The following SORCS3 variants were observed in gnomAD, a reference collection of about 807,000 sequenced individuals.
The protein encoded by SORCS3 is sortilin related VPS10 domain containing receptor 3, also known as VPS10 domain-containing receptor SorCS3.
SORCS3 carries 57 observed loss-of-function variants against 146.3 expected under a neutral mutation model. That is an observed-to-expected ratio of 0.39 (90% CI 0.31 to 0.49). SORCS3 has a LOEUF of 0.49. Among genes scored for constraint, SORCS3 ranks in the 20% least tolerant of loss-of-function variants. SORCS3 has a pLI of 0.92. For missense variants in SORCS3, 1,341 were observed against 1,575.5 expected (o/e 0.85, Z 2.52); for synonymous variants, 653 against 618.5 (o/e 1.06, Z -0.83).
chr10:104,703,711 GTTTT>G (rs11338927), intron 1 of SORCS3, among the ~76,000 whole-genome samples: 64 of 135,412 alleles, frequency 4.7e-4, no homozygotes, highest in African/African-American at 1.4e-3. Context: ...CATGTATCCT[GTTTT>G]TTTTTTTTTT....
chr10:105,035,387 C>T (rs2055298894), intron 4 of SORCS3, among the ~76,000 whole-genome samples: 1 of 151,894 alleles, frequency 6.6e-6, no homozygotes, highest in African/African-American at 2.4e-5. Flanking sequence ...CTTTGGGAAG[C>T]TGTGATCCTT....
chr10:105,109,936 G>A (rs78488485), intron 7 of SORCS3, among the ~76,000 whole-genome samples: 1,680 of 150,920 alleles, frequency 0.011, 30 homozygotes, highest in African/African-American at 0.039. Context: ...TTAATTTCTC[G>A]GGAGTTTCTG....
At chr10:104,974,167 A>AT (rs1193974719) in intron 3 of SORCS3, among the ~76,000 whole-genome samples, 3 of 152,076 alleles carry the variant, frequency 2.0e-5, no homozygotes, top group Non-Finnish European at 4.4e-5. Flanking sequence ...AAGAATGTAT[A>AT]TTTTTTGATT....
intron 2 of SORCS3, among the ~76,000 whole-genome samples, chr10:104,909,656 C>T (rs758990657): frequency 2.0e-5 from 3 of 152,106 alleles, no homozygotes; most frequent in Non-Finnish European, 4.4e-5. Context: ...AGATTGAGAA[C>T]ATCAGATGGC....
chr10:104,718,930 T>C (rs2016511253), intron 1 of SORCS3, among the ~76,000 whole-genome samples: 1 of 152,204 alleles, frequency 6.6e-6, no homozygotes, highest in Non-Finnish European at 1.5e-5. Context: ...GACAGTGCTG[T>C]CCAATTGAAA....
chr10:104,934,044 G>A (rs1333476130), intron 3 of SORCS3, among the ~76,000 whole-genome samples: 17 of 152,012 alleles, frequency 1.1e-4, no homozygotes, highest in African/African-American at 3.9e-4. Context: ...TGCCTGCCTC[G>A]GCCTCCCAAA....
rs113550335 is a variant in SORCS3, at chr10:105,254,419, T to A, written c.3238-1283T>A. Among the ~76,000 whole-genome samples the A allele has an allele frequency of 1.4e-3, 208 of 152,320 alleles. 1 individual carries two copies. The highest frequency in any genetic ancestry group is 4.8e-3 in the Admixed American group (73 of 15,292). On this transcript the variant is annotated intron_variant, in intron 23 of 26. Transcript: ENST00000369701. The stretch of plus-strand genomic sequence containing the variant: ...CATCTATGTCTATTATAGCTCTAAT[T>A]CACCAGTGACTGTAGGCATGCCTCT...
chr10:105,212,795 G>A (rs748948716), intron 17 of SORCS3, among the ~76,000 whole-genome samples: 22 of 152,106 alleles, frequency 1.4e-4, no homozygotes, highest in Non-Finnish European at 1.0e-4. Context: ...TTAGGACATG[G>A]TACCCACTGA....
At chr10:104,733,649 G>A (rs2133454495) in intron 1 of SORCS3, among the ~76,000 whole-genome samples, 1 of 151,636 alleles carries the variant, frequency 6.6e-6, no homozygotes, top group East Asian at 1.9e-4. Flanking sequence ...TGCCTTCAAA[G>A]TGATCCCTAT....
chr10:105,046,808 C>T (rs956792543), intron 5 of SORCS3, among the ~76,000 whole-genome samples: 3 of 152,068 alleles, frequency 2.0e-5, no homozygotes, highest in African/African-American at 4.8e-5. Context: ...CTGACATGAA[C>T]ATTCCTTGTT....
intron 3 of SORCS3, among the ~76,000 whole-genome samples, chr10:104,948,596 C>T (rs1298380498): frequency 6.6e-6 from 1 of 152,212 alleles, no homozygotes; most frequent in Non-Finnish European, 1.5e-5. Flanking sequence ...ATGGCATTAA[C>T]TTTCCGGTTC....
At chr10:104,746,257 C>T (rs903024548) in intron 1 of SORCS3, among the ~76,000 whole-genome samples, 9 of 151,784 alleles carry the variant, frequency 5.9e-5, no homozygotes, top group Admixed American at 2.0e-4. Context: ...CTGCCTCAGC[C>T]TCCCCAGTAG....
intron 1 of SORCS3, among the ~76,000 whole-genome samples, chr10:104,785,049 G>A (rs1410936427): frequency 1.3e-5 from 2 of 151,994 alleles, no homozygotes; most frequent in African/African-American, 2.4e-5. Context: ...CTCACCTCCC[G>A]GATGGGGCGG....
intron 4 of SORCS3, among the ~76,000 whole-genome samples, chr10:104,997,610 CT>C (rs2055035012): frequency 6.6e-6 from 1 of 152,110 alleles, no homozygotes; most frequent in Non-Finnish European, 1.5e-5. Context: ...CATATATGTG[CT>C]TTTTGTTTTC....
intron 1 of SORCS3, among the ~76,000 whole-genome samples, chr10:104,759,114 G>T (rs2017091702): frequency 6.6e-6 from 1 of 152,168 alleles, no homozygotes; most frequent in African/African-American, 2.4e-5. Flanking sequence ...GGGAAATTTG[G>T]ACACAGACAC....
intron 16 of SORCS3, among the ~76,000 whole-genome samples, chr10:105,210,864 A>G (rs2119639709): frequency 6.6e-6 from 1 of 152,212 alleles, no homozygotes; most frequent in East Asian, 1.9e-4. Context: ...TGTACCTGCC[A>G]CATTATTTAT....
intron 1 of SORCS3, among the ~76,000 whole-genome samples, chr10:104,649,810 G>T (rs1317252549): frequency 6.6e-6 from 1 of 152,082 alleles, no homozygotes; most frequent in Non-Finnish European, 1.5e-5. Flanking sequence ...ACATTATTTC[G>T]GGGCTTTTAT....
At chr10:105,164,204 A>T in intron 11 of SORCS3, 99 bp from the exon 12 acceptor site, 1 of 853,036 alleles carries the variant, frequency 1.2e-6, no homozygotes, top group Non-Finnish European at 2.0e-6. Context: ...TGTAAATATC[A>T]CTTAGAAAAC....
At chr10:105,011,385 G>A (rs1453113680) in intron 4 of SORCS3, among the ~76,000 whole-genome samples, 2 of 152,032 alleles carry the variant, frequency 1.3e-5, no homozygotes, top group African/African-American at 4.8e-5. Flanking sequence ...TATGCTTTTT[G>A]TCTATTTGCA....
Sources: allele counts gnomAD v4.1 joint callset (sites outside exome capture counted in the v4.1 genomes callset), GRCh38; gene constraint gnomAD v4.1.1; transcripts MANE v1.5; gene names NCBI Gene and HGNC (gene_info 2026-07-23, HGNC 2026-07-21).